The following GEMIN5 variants were observed in gnomAD, a reference collection of about 807,000 sequenced individuals.
The protein encoded by GEMIN5 is gem-associated protein 5.
A neutral mutation model predicts 176.9 loss-of-function variants in GEMIN5; 124 were observed. The observed-to-expected ratio is 0.70, with a 90% CI of 0.61 to 0.81. The LOEUF is 0.81. Among genes scored for constraint, GEMIN5 ranks in the 40% least tolerant of loss-of-function variants. GEMIN5 has a pLI of 0.00. For missense variants in GEMIN5, 1,843 were observed against 1,814.6 expected (o/e 1.02, Z -0.28); for synonymous variants, 673 against 665.2 (o/e 1.01, Z -0.18).
chr5:154,896,400 T>A (rs1317662294), intron 23 of GEMIN5, 57 bp from the exon 24 acceptor site: 5 of 1,494,748 alleles, frequency 3.3e-6, no homozygotes, highest in African/African-American at 1.4e-5. Flanking sequence ...CTGGATGATC[T>A]CGAGAGCTCT....
In GEMIN5 at chr5:154,937,944, TCGGGCC is replaced by T. The variant is rs1379135030; in HGVS notation, c.166+18_166+23del. On this transcript the variant is annotated intron_variant, in intron 1 of 27. Coordinates refer to ENST00000285873, the MANE Select transcript of GEMIN5 (RefSeq NM_015465.5). ...GGGAGCGTACAAAGGGCAGTAAGTC[TCGGGCC>T]CAAGGGTGGTGAGTTACCTCGAAAC... is the stretch of plus-strand genomic sequence containing the variant. 6.5e-7 allele frequency: 1 copy of T among 1,544,180 alleles called. No homozygotes were observed. The highest frequency in any genetic ancestry group is 2.0e-5 in the Admixed American group (1 of 49,260).
At chr5:154,907,538 T>C in intron 16 of GEMIN5, 53 bp downstream of exon 16, 4 of 1,354,674 alleles carry the variant, frequency 3.0e-6, no homozygotes, top group Non-Finnish European at 4.2e-6. Flanking sequence ...CCTAGCTTAG[T>C]TTCCCAGACA....
At chr5:154,905,681 C>G (rs1763553674) in intron 16 of GEMIN5, among the ~76,000 whole-genome samples, 1 of 151,252 alleles carries the variant, frequency 6.6e-6, no homozygotes, top group Non-Finnish European at 1.5e-5. Flanking sequence ...TTTCAGGAAT[C>G]TGTAAGTCTA....
Position 154,911,777 on chromosome 5 carries a change from C to A in GEMIN5, c.2117G>T (p.Cys706Phe), listed in dbSNP as rs781484163. 1 of 1,614,084 alleles carries A rather than the reference C, an allele frequency of 6.2e-7. No individual in the cohort carries two copies. The highest frequency in any genetic ancestry group is 1.3e-5 in the African/African-American group (1 of 75,052). Residue 706 changes from cysteine (C) to phenylalanine (F), a missense_variant, in exon 15 of 28, where the codon TGT (cysteine) becomes TTT (phenylalanine). Physicochemically the swap from Cys to Phe is radical, Grantham distance 205. Transcript: ENST00000285873. ...DCIYSGADDFCVHKWLTSMQD... is the reference protein window; with the variant it reads ...DCIYSGADDFFVHKWLTSMQD... The stretch of plus-strand genomic sequence containing the variant: ...CATGGAAGTGAGCCACTTGTGCACA[C>A]AAAAGTCATCTGCCCCTGAATAGAT...
intron 9 of GEMIN5, 76 bp from the exon 10 acceptor site, chr5:154,921,501 T>A (rs1365205272): frequency 1.4e-6 from 1 of 711,258 alleles, no homozygotes; most frequent in East Asian, 2.8e-5. Flanking sequence ...CATCTTTTTC[T>A]AAAAGGTCCC....
rs188765392 is a variant in GEMIN5 at position 154,929,667 on chromosome 5, C to G, written c.782-1008G>C. Among the ~76,000 whole-genome samples, 10 of 152,354 alleles carry G rather than the reference C, an allele frequency of 6.6e-5. No individual in the cohort carries two copies. The East Asian group carries it at 1.9e-3, about 29-fold the overall frequency. On this transcript the variant is annotated intron_variant, in intron 5 of 27. Transcript: ENST00000285873. ...GACACCTCTAAGTCTAGAGGTTACC[C>G]TCCTGGAGGGATCCTCAGCCTTATG...
chr5:154,917,877 G>A, intron 12 of GEMIN5, 54 bp downstream of exon 12: 2 of 1,128,338 alleles, frequency 1.8e-6, no homozygotes, highest in Non-Finnish European at 2.7e-6. Context: ...GTCAGCTTGT[G>A]ATCAAATATA....
chr5:154,893,750 CTT>C (rs1212909160), intron 24 of GEMIN5, among the ~76,000 whole-genome samples: 1 of 152,014 alleles, frequency 6.6e-6, no homozygotes, highest in Non-Finnish European at 1.5e-5. Context: ...TCTTCTTCTT[CTT>C]TGTTTTTTTG....
chr5:154,910,324 C>A (rs1022060407), intron 15 of GEMIN5, among the ~76,000 whole-genome samples: 3 of 151,814 alleles, frequency 2.0e-5, no homozygotes, highest in African/African-American at 4.8e-5. Context: ...AAAAAAAAAA[C>A]TTATTTCACA....
intron 15 of GEMIN5, among the ~76,000 whole-genome samples, chr5:154,910,888 C>G (rs1763686565): frequency 6.6e-6 from 1 of 152,042 alleles, no homozygotes; most frequent in South Asian, 2.1e-4. Context: ...TTAGTAGAGA[C>G]AGGGTTTCAC....
chr5:154,917,176 T>G lies in GEMIN5; in HGVS notation c.1677A>C (p.Ser559=). ...GGTTGGGAATCTGAAATATTTCTAT[T>G]GATCTGGAATAAGAAACACATCAAA... ...KIMALGNEDG[S]IEIFQIPNLK... is the part of the protein sequence containing the mutation. The change falls in exon 13 of 28, where the codon TCA becomes TCC. Residue 559 remains serine (S), a synonymous_variant. Coordinates refer to ENST00000285873, the MANE Select transcript of GEMIN5 (RefSeq NM_015465.5). 2.7e-6 allele frequency: 4 copies of G among 1,489,710 alleles called. No homozygotes were observed. The East Asian group carries it at 7.3e-5, about 27-fold the overall frequency. 92.3% of individuals were successfully genotyped at this position (1,489,710 alleles called of 1,614,324 possible).
intron 10 of GEMIN5, among the ~76,000 whole-genome samples, chr5:154,920,496 T>C (rs1417307778): frequency 6.6e-6 from 1 of 152,226 alleles, no homozygotes. Flanking sequence ...ACTTTCTATG[T>C]CTTATAACAA....
chr5:154,891,703 G>T lies in GEMIN5; in HGVS notation c.3800C>A (p.Ser1267Tyr). 1 of 1,608,444 alleles carries T rather than the reference G, an allele frequency of 6.2e-7. No homozygotes were observed. The highest frequency in any genetic ancestry group is 8.5e-7 in the Non-Finnish European group (1 of 1,178,406). The change falls in exon 26 of 28, where the codon TCC becomes TAC. Residue 1267 changes from serine to tyrosine, a missense_variant. Ser to Tyr is a moderately radical substitution (Grantham distance 144). Coordinates refer to ENST00000285873, the MANE Select transcript of GEMIN5 (RefSeq NM_015465.5). Reference sequence around the variant, plus strand: ...ACTTTTGAAAGCTGGTGTGGCAGGGGATTGATGGTCCCCCAACTTGTCTCT... The same window carrying T: ...ACTTTTGAAAGCTGGTGTGGCAGGGTATTGATGGTCCCCCAACTTGTCTCT... ...HLRDKLGDHQSPATPAFKSLE... is the reference protein window; with the variant it reads ...HLRDKLGDHQYPATPAFKSLE...
At chr5:154,889,182 CTAAATTCTTA>C in intron 27 of GEMIN5, 129 bp downstream of exon 27, 1 of 532,200 alleles carries the variant, frequency 1.9e-6, no homozygotes, top group Non-Finnish European at 3.5e-6. Flanking sequence ...AGCCTGGATT[CTAAATTCTTA>C]AGCACATATG....
In GEMIN5 at chr5:154,891,657, A is replaced by G. The variant is rs2113452141; in HGVS notation, c.3846T>C (p.Tyr1282=). 6.2e-7 allele frequency: 1 copy of G among 1,613,456 alleles called. No individual in the cohort carries two copies. The highest frequency in any genetic ancestry group is 2.2e-5 in the East Asian group (1 of 44,874). The change falls in exon 26 of 28, where the codon TAT becomes TAC. Residue 1282 remains tyrosine, a synonymous_variant. Transcript: ENST00000285873. ...AFKSLEAFFL[Y]GRLYEFWWSL... ...ACCACCAGAATTCATACAGACGCCCATAAAGAAAAAAGGCCTCCAAACTTT... is the reference window on the plus strand; with the variant it reads ...ACCACCAGAATTCATACAGACGCCCGTAAAGAAAAAAGGCCTCCAAACTTT...
At position 154,931,406 on chromosome 5, in the gene GEMIN5, T is replaced by C. The variant is rs200609065; in HGVS notation, c.781+52A>G. 1.1e-3 allele frequency: 1,619 copies of C among 1,541,480 alleles called. 2 individuals are homozygous for C. The highest frequency in any genetic ancestry group is 1.4e-3 in the Non-Finnish European group (1,562 of 1,133,902). Reference sequence around the variant, plus strand: ...AGGACAATAAGAACAGAAAACCCTCTACTTCCACCAGATCAACATAGGTTA... The same window carrying C: ...AGGACAATAAGAACAGAAAACCCTCCACTTCCACCAGATCAACATAGGTTA... On this transcript the variant is annotated intron_variant, in intron 5 of 27. Coordinates refer to ENST00000285873, the MANE Select transcript of GEMIN5 (RefSeq NM_015465.5).
intron 3 of GEMIN5, among the ~76,000 whole-genome samples, chr5:154,933,571 T>C (rs988236937): frequency 1.7e-4 from 26 of 152,234 alleles, no homozygotes; most frequent in African/African-American, 5.5e-4. Context: ...TGTTAAGATA[T>C]ATGCATTTTT....
Position 154,917,010 on chromosome 5 carries a change from T to TC in GEMIN5, c.1842dup (p.Lys615GlufsTer9), listed in dbSNP as rs757124695. 3.8e-6 allele frequency: 6 copies of TC among 1,583,034 alleles called. No homozygotes were observed. In the South Asian group the frequency reaches 6.8e-5, roughly 18 times the overall value. On this transcript the variant is annotated frameshift_variant, in exon 13 of 28. Coordinates refer to ENST00000285873, the MANE Select transcript of GEMIN5 (RefSeq NM_015465.5). LOFTEE classifies it high-confidence loss of function. ...AAACCAAAGTTACCTATGACAGTCTTCAGGTTGTGCACGTAAATGACTGCA... is the reference window on the plus strand; with the variant it reads ...AAACCAAAGTTACCTATGACAGTCTTCCAGGTTGTGCACGTAAATGACTGCA...
At chr5:154,917,426 T>G (rs1763836879) in intron 12 of GEMIN5, among the ~76,000 whole-genome samples, 1 of 152,218 alleles carries the variant, frequency 6.6e-6, no homozygotes, top group Non-Finnish European at 1.5e-5. Flanking sequence ...AAATTAATTT[T>G]TAGAAATTTT....
Sources: allele counts gnomAD v4.1 joint callset (sites outside exome capture counted in the v4.1 genomes callset), GRCh38; gene constraint gnomAD v4.1.1; transcripts MANE v1.5; gene names NCBI Gene and HGNC (gene_info 2026-07-23, HGNC 2026-07-21).